Variants in CRTC1 observed in about 807,000 individuals in gnomAD.
CRTC1 encodes the protein CREB regulated transcription coactivator 1.
A neutral mutation model predicts 66.1 loss-of-function variants in CRTC1; 18 were observed. The ratio of observed to expected loss-of-function variants is 0.27; its 90% CI spans 0.19 to 0.40. CRTC1 has a LOEUF of 0.40. Among genes scored for constraint, CRTC1 ranks in the 10% least tolerant of loss-of-function variants. The pLI is 1.00. For missense variants in CRTC1, 669 were observed against 887.9 expected, an observed-to-expected ratio of 0.75 and a Z score of 3.13; for synonymous variants, 416 against 398.8, an observed-to-expected ratio of 1.04 and a Z score of -0.51.
chr19:18,737,266 T>G, intron 1 of CRTC1, among the ~76,000 whole-genome samples: 2 of 126,866 alleles, frequency 1.6e-5, no homozygotes, highest in Non-Finnish European at 3.3e-5. Context: ...GGTGGGGGGG[T>G]AGGACTTTGT....
chr19:18,754,946 A>G (rs760846670), intron 6 of CRTC1, among the ~76,000 whole-genome samples: 1 of 151,202 alleles, frequency 6.6e-6, no homozygotes, highest in Non-Finnish European at 1.5e-5. Context: ...CTTTTCTTTT[A>G]TTTTTATTTT....
chr19:18,716,520 G>T (rs1054100303), intron 1 of CRTC1, among the ~76,000 whole-genome samples: 2 of 152,198 alleles, frequency 1.3e-5, no homozygotes, highest in African/African-American at 2.4e-5. Flanking sequence ...AAAGTGCTGG[G>T]ATTACAGGTG....
At chr19:18,775,101 C>A in intron 12 of CRTC1, 115 bp downstream of exon 12, 1 of 1,030,960 alleles carries the variant, frequency 9.7e-7, no homozygotes, top group Non-Finnish European at 1.4e-6. Context: ...GGGGCCCGTG[C>A]CTGCCCCTCA....
At chr19:18,774,013 A>T (rs981059531) in intron 11 of CRTC1, among the ~76,000 whole-genome samples, 1 of 152,238 alleles carries the variant, frequency 6.6e-6, no homozygotes, top group East Asian at 1.9e-4. Flanking sequence ...CTTATAGGGC[A>T]CATGCCTTAC....
chr19:18,715,869 T>C (rs759790469), intron 1 of CRTC1, among the ~76,000 whole-genome samples: 1 of 152,192 alleles, frequency 6.6e-6, no homozygotes, highest in Non-Finnish European at 1.5e-5. Context: ...TGTTTCCCTG[T>C]TGACTTTGCT....
intron 12 of CRTC1, 62 bp from the exon 13 acceptor site, chr19:18,775,579 T>G: frequency 4.2e-6 from 6 of 1,416,184 alleles, no homozygotes; most frequent in Non-Finnish European, 5.7e-6. Context: ...GCCAAGGGCT[T>G]GGGGTGGCCA....
chr19:18,739,550 G>A (rs1051743442), intron 1 of CRTC1, among the ~76,000 whole-genome samples: 10 of 152,194 alleles, frequency 6.6e-5, no homozygotes, highest in African/African-American at 1.9e-4. Flanking sequence ...GGATTCCGCC[G>A]GCAGGCGCTG....
At chr19:18,685,605 C>T (rs1255533983) in intron 1 of CRTC1, among the ~76,000 whole-genome samples, 1 of 151,978 alleles carries the variant, frequency 6.6e-6, no homozygotes, top group East Asian at 1.9e-4. Context: ...TGCAGTGAGC[C>T]GAGATCATGT....
intron 1 of CRTC1, among the ~76,000 whole-genome samples, chr19:18,724,998 T>C (rs540338324): frequency 3.0e-4 from 46 of 151,922 alleles, no homozygotes; most frequent in Non-Finnish European, 6.8e-4. Flanking sequence ...CTCAGCACAC[T>C]GGCCCCACCC....
At chr19:18,707,153 A>G (rs1324024013) in intron 1 of CRTC1, among the ~76,000 whole-genome samples, 1 of 152,022 alleles carries the variant, frequency 6.6e-6, no homozygotes, top group Non-Finnish European at 1.5e-5. Context: ...TTCTTCCAAG[A>G]GTTTTATAGT....
rs2055078035 is a variant in CRTC1, at chr19:18,780,265, T to C, written c.*2883T>C. On this transcript the variant is annotated 3_prime_UTR_variant, in exon 14 of 14. Transcript: ENST00000321949. ...GTGCTCATGGCTTCTGCAGACCCTC[T>C]GCTGGGTACATCGGTCCCCTACGGC... The C allele has an allele frequency of 4.3e-6, 1 of 231,384 alleles. No homozygotes were observed. Among genetic ancestry groups the C allele is most frequent in the East Asian group, 6.1e-5 (1 of 16,330 alleles). 14.3% of individuals were successfully genotyped at this position (231,384 alleles called of 1,614,324 possible).
In CRTC1 at chr19:18,683,695, G is replaced by A. The variant is rs1420593199; in HGVS notation, c.-8G>A. On this transcript the variant is annotated 5_prime_UTR_variant, in exon 1 of 14. Transcript: ENST00000321949. ...GGAGGAGGAGGAGGAGGAGGTGGCG[G>A]CGAGAAGATGGCGACTTCGAACAAT... 2.1e-6 allele frequency: 3 copies of A among 1,395,868 alleles called. No homozygotes were observed. Among genetic ancestry groups the A allele is most frequent in the African/African-American group, 1.5e-5 (1 of 65,824 alleles). 86.5% of individuals were successfully genotyped at this position (1,395,868 alleles called of 1,614,324 possible). A position where few individuals can be genotyped will look rare whatever the true frequency, so the allele number is the denominator to read the frequency against.
At chr19:18,751,387 GTT>G (rs2054359921) in intron 5 of CRTC1, among the ~76,000 whole-genome samples, 2 of 152,096 alleles carry the variant, frequency 1.3e-5, no homozygotes, top group South Asian at 2.1e-4. Flanking sequence ...AACTGGGAGT[GTT>G]TGCACGTGCC....
chr19:18,774,353 C>T (rs548908542), intron 11 of CRTC1, among the ~76,000 whole-genome samples: 17 of 152,226 alleles, frequency 1.1e-4, no homozygotes, highest in Admixed American at 2.6e-4. Flanking sequence ...AGTAGGGCCC[C>T]GGGTCCTGCA....
At chr19:18,700,155 A>T (rs1382596734) in intron 1 of CRTC1, among the ~76,000 whole-genome samples, 1 of 152,124 alleles carries the variant, frequency 6.6e-6, no homozygotes, top group East Asian at 1.9e-4. Context: ...TTTACTACAT[A>T]AAATTCCCCC....
At chr19:18,765,590 A>G (rs1364374654) in intron 9 of CRTC1, 62 bp downstream of exon 9, 3 of 1,517,356 alleles carry the variant, frequency 2.0e-6, no homozygotes, top group Non-Finnish European at 2.7e-6. Context: ...GCCTGGCTCT[A>G]CCTCTTAGAA....
intron 7 of CRTC1, 74 bp downstream of exon 7, chr19:18,759,665 A>G (rs1040694174): frequency 2.6e-6 from 4 of 1,530,110 alleles, no homozygotes; most frequent in Non-Finnish European, 3.6e-6. Context: ...CATTCTGTCC[A>G]CTCTCTTGAG....
chr19:18,745,995 A>G (rs779072103), intron 3 of CRTC1, 35 bp downstream of exon 3: 3 of 1,580,134 alleles, frequency 1.9e-6, no homozygotes, highest in African/African-American at 1.3e-5. Context: ...GGTGGGGGCC[A>G]GGCCCTGTCG....
intron 1 of CRTC1, among the ~76,000 whole-genome samples, chr19:18,718,798 G>A (rs561245738): frequency 6.6e-6 from 1 of 152,246 alleles, no homozygotes; most frequent in South Asian, 2.1e-4. Context: ...TTTCGTGGGG[G>A]CATCCGTCCA....
Sources: gnomAD v4.1 joint callset for allele counts (sites outside exome capture counted in the v4.1 genomes callset) on GRCh38, gnomAD v4.1.1 for gene constraint, MANE v1.5 for transcripts, NCBI Gene and HGNC (gene_info 2026-07-23, HGNC 2026-07-21) for gene names.